Variants in ANAPC4 observed in about 807,000 individuals in gnomAD.
ANAPC4 encodes the protein anaphase promoting complex subunit 4.
In ANAPC4, 63 loss-of-function variants were observed where a neutral mutation model predicts 119.8. The observed-to-expected ratio is 0.53, with a 90% CI of 0.43 to 0.65. The LOEUF is 0.65. ANAPC4 is among the 30% of genes least tolerant of loss of function. The probability of loss-of-function intolerance (pLI) is 0.00; values close to 1 mark genes in which losing one functional copy is unlikely to be tolerated. For synonymous variants in ANAPC4, 283 were observed against 318.6 expected (o/e 0.89, Z 1.19); for missense variants, 716 against 945.1 (o/e 0.76, Z 3.18).
At chr4:25,404,817 C>T (rs1199985433) in intron 17 of ANAPC4, among the ~76,000 whole-genome samples, 1 of 151,994 alleles carries the variant, frequency 6.6e-6, no homozygotes, top group Non-Finnish European at 1.5e-5. Flanking sequence ...TGATATATTG[C>T]TAGCACCTAG....
rs1722511335 is a variant in ANAPC4, at chr4:25,394,233, G to A, written c.877-77G>A. 7 of 1,178,452 alleles carry A rather than the reference G, an allele frequency of 5.9e-6. No homozygotes were observed. In the South Asian group the frequency reaches 1.0e-4, roughly 17 times the overall value. The allele number at this position is 1,178,452 out of a possible 1,614,324, so 73.0% of individuals were successfully genotyped here. On this transcript the variant is annotated intron_variant, in intron 11 of 28. Coordinates refer to ENST00000315368, the MANE Select transcript of ANAPC4 (RefSeq NM_013367.3). ...GTCTAAGGCAAGGAAAGGGAGTCATGCTCCTATAATTTTGAATAAATATGC... is the reference window on the plus strand; with the variant it reads ...GTCTAAGGCAAGGAAAGGGAGTCATACTCCTATAATTTTGAATAAATATGC...
chr4:25,387,120 TC>T (rs1248985976), intron 4 of ANAPC4, among the ~76,000 whole-genome samples: 2 of 152,324 alleles, frequency 1.3e-5, no homozygotes, highest in Non-Finnish European at 2.9e-5. Context: ...ACAGGTTTTT[TC>T]TTTGTCCATG....
rs888026225 is a variant in ANAPC4, at chr4:25,385,961, G to A, written c.369-2539G>A. ...TTATTTATTTTTGAGACGGAGTTTC[G>A]CTCTTATTGCCCAGGCTGGAGTGCA... On this transcript the variant is annotated intron_variant, in intron 4 of 28. Transcript: ENST00000315368. 3.3e-5 allele frequency among the ~76,000 whole-genome samples: 5 copies of A among 151,976 alleles called. No individual in the cohort carries two copies. The East Asian group carries it at 7.7e-4, about 23-fold the overall frequency.
chr4:25,413,792 A>G, intron 22 of ANAPC4, 50 bp downstream of exon 22: 1 of 1,336,018 alleles, frequency 7.5e-7, no homozygotes, highest in South Asian at 1.3e-5. Flanking sequence ...TAGTGTCTAC[A>G]GTATGTGGCT....
intron 17 of ANAPC4, among the ~76,000 whole-genome samples, chr4:25,403,467 C>G (rs1723087185): frequency 6.6e-6 from 1 of 151,984 alleles, no homozygotes; most frequent in Non-Finnish European, 1.5e-5. Context: ...TATAATGTCT[C>G]CTTAGGTTAA....
chr4:25,383,101 ATT>A (rs1325852514), intron 3 of ANAPC4, among the ~76,000 whole-genome samples, 158 bp from the exon 4 acceptor site: 5 of 152,196 alleles, frequency 3.3e-5, no homozygotes, highest in African/African-American at 1.2e-4. Flanking sequence ...ATATGCAAAT[ATT>A]TCTTTTTTTA....
At chr4:25,408,523 CA>C (rs753508822) in intron 20 of ANAPC4, among the ~76,000 whole-genome samples, 171 of 93,600 alleles carry the variant, frequency 1.8e-3, no homozygotes, top group South Asian at 5.5e-3. Context: ...GCAGGTTTTC[CA>C]AAAAAAAAAA....
intron 6 of ANAPC4, 38 bp from the exon 7 acceptor site, chr4:25,388,800 A>T (rs752894560): frequency 1.2e-6 from 2 of 1,600,622 alleles, no homozygotes; most frequent in East Asian, 4.5e-5. Flanking sequence ...TTTGGAAGAC[A>T]GAATTGAAAG....
At position 25,396,580 on chromosome 4, in the gene ANAPC4, T is replaced by C. The variant is rs1467173458; in HGVS notation, c.1062-84T>C. 3.0e-6 allele frequency: 3 copies of C among 996,292 alleles called. No individual in the cohort carries two copies. In the East Asian group the frequency reaches 7.5e-5, roughly 25 times the overall value. The allele number at this position is 996,292 out of a possible 1,614,324, so 61.7% of individuals were successfully genotyped here. ...AAATGAAAGTTACTTTCAGTTTTTA[T>C]TTCTGAAAATTTAGAAATATTCAGG... On this transcript the variant is annotated intron_variant, in intron 14 of 28. Transcript: ENST00000315368.
At chr4:25,395,195 T>C (rs1722579413) in intron 14 of ANAPC4, 1 of 234,570 alleles carries the variant, frequency 4.3e-6, no homozygotes. Flanking sequence ...ATATATCTTT[T>C]TTTTGAGCAG....
chr4:25,399,976 A>ACG (rs1295280032), intron 16 of ANAPC4, among the ~76,000 whole-genome samples: 16 of 152,346 alleles, frequency 1.1e-4, no homozygotes, highest in Admixed American at 6.5e-4. Flanking sequence ...ACAGATGCTA[A>ACG]GTCAAGCAAG....
intron 16 of ANAPC4, among the ~76,000 whole-genome samples, chr4:25,397,389 G>A (rs939852269): frequency 1.3e-5 from 2 of 152,022 alleles, no homozygotes; most frequent in African/African-American, 2.4e-5. Context: ...CCACCCCTCT[G>A]CTTCAGCCTG....
Position 25,413,711 on chromosome 4 carries a change from A to G in ANAPC4, c.1592A>G (p.Asn531Ser), listed in dbSNP as rs140699299. ...SLHFVKRRME[N>S]IIDQCLQKPA... The stretch of plus-strand genomic sequence containing the variant: ...CATTTTGTGAAAAGGCGGATGGAGA[A>G]TATTATTGATCAGTGTTTGCAAAAG... Residue 531 changes from asparagine (N) to serine (S), a missense_variant, in exon 22 of 29, where the codon AAT (asparagine) becomes AGT (serine). This residue lies in a region of ANAPC4 where 504 missense variants were observed against 615.8 expected (regional missense o/e 0.82). Coordinates refer to ENST00000315368, the MANE Select transcript of ANAPC4 (RefSeq NM_013367.3). 2.8e-4 allele frequency: 450 copies of G among 1,613,356 alleles called. No individual in the cohort carries two copies. The highest frequency in any genetic ancestry group is 3.6e-4 in the Non-Finnish European group (429 of 1,179,650).
Position 25,411,047 on chromosome 4 carries a change from A to T in ANAPC4, c.1525+1256A>T, listed in dbSNP as rs1723533765. 2.0e-5 allele frequency among the ~76,000 whole-genome samples: 3 copies of T among 152,282 alleles called. No homozygotes were observed. In the South Asian group the frequency reaches 6.2e-4, roughly 32 times the overall value. On this transcript the variant is annotated intron_variant, in intron 21 of 28. Coordinates refer to ENST00000315368, the MANE Select transcript of ANAPC4 (RefSeq NM_013367.3). ...AATGAATGAGGGAGAGAATTCTTTG[A>T]TGCCAAGAACTTTGCATATAGTCCA... is the stretch of plus-strand genomic sequence containing the variant.
At chr4:25,409,906 TAG>T (rs1723469978) in intron 21 of ANAPC4, 115 bp downstream of exon 21, 1 of 660,380 alleles carries the variant, frequency 1.5e-6, no homozygotes, top group African/African-American at 1.8e-5. Flanking sequence ...CTAAGTTTAT[TAG>T]ACTTATATTT....
Position 25,405,698 on chromosome 4 carries a change from TATTCA to T in ANAPC4, c.1317+80_1317+84del. ...GCTGTGCTGGTCATTTTGGTACTCT[TATTCA>T]GTTATTAGTTAACAGGATGTCAGGA... is the stretch of plus-strand genomic sequence containing the variant. On this transcript the variant is annotated intron_variant, in intron 18 of 28. Transcript: ENST00000315368. This position sits in a 1 kb window ranked among gnomAD's most constrained non-coding sequence, Gnocchi z 4.6. 7.3e-7 allele frequency: 1 copy of T among 1,361,008 alleles called. No homozygotes were observed. Among genetic ancestry groups the T allele is most frequent in the Non-Finnish European group, 1.0e-6 (1 of 960,206 alleles). The allele number at this position is 1,361,008 out of a possible 1,614,324, so 84.3% of individuals were successfully genotyped here. A position where few individuals can be genotyped will look rare whatever the true frequency, so the allele number is the denominator to read the frequency against.
At chr4:25,401,919 G>A (rs573414760) in intron 16 of ANAPC4, among the ~76,000 whole-genome samples, 190 of 152,296 alleles carry the variant, frequency 1.2e-3, no homozygotes, top group Non-Finnish European at 1.9e-3. Flanking sequence ...GCAGAGAGCA[G>A]ATATAAAATA....
At chr4:25,412,294 T>G (rs918423681) in intron 21 of ANAPC4, among the ~76,000 whole-genome samples, 2 of 152,120 alleles carry the variant, frequency 1.3e-5, no homozygotes, top group African/African-American at 4.8e-5. Context: ...CCAGTGTATT[T>G]CTGGCGGTTT....
At chr4:25,398,601 T>C (rs1722782394) in intron 16 of ANAPC4, among the ~76,000 whole-genome samples, 1 of 152,156 alleles carries the variant, frequency 6.6e-6, no homozygotes, top group South Asian at 2.1e-4. Flanking sequence ...TGGCCTTTAC[T>C]CTGGATGTAA....
Sources: allele counts gnomAD v4.1 joint callset (sites outside exome capture counted in the v4.1 genomes callset), GRCh38; gene constraint gnomAD v4.1.1; regional missense constraint gnomAD v4.1.1; non-coding constraint Gnocchi (gnomAD v3.1); transcripts MANE v1.5; gene names NCBI Gene and HGNC (gene_info 2026-07-23, HGNC 2026-07-21).